The following CACNA1E variants were observed in gnomAD, a reference collection of about 807,000 sequenced individuals.
The protein encoded by CACNA1E is calcium voltage-gated channel subunit alpha1 E.
Under a neutral mutation model 259.2 loss-of-function variants are expected in CACNA1E, and 40 were observed. That is an observed-to-expected ratio of 0.15 (90% CI 0.12 to 0.20). The LOEUF (loss-of-function observed/expected upper bound fraction) is 0.20. Ranked by LOEUF, CACNA1E falls within the 10% of genes least tolerant of loss-of-function variation. The pLI, the probability that CACNA1E is intolerant of heterozygous loss-of-function variation, is 1.00. For missense variants in CACNA1E, 1,874 were observed against 3,040.1 expected, an observed-to-expected ratio of 0.62 and a Z score of 9.02; for synonymous variants, 1,104 against 1,138.5, an observed-to-expected ratio of 0.97 and a Z score of 0.61.
Position 181,622,952 on chromosome 1 carries a change from T to C in CACNA1E, c.952-28386T>C, listed in dbSNP as rs889114149. Among the ~76,000 whole-genome samples, 7 of 152,244 alleles carry C rather than the reference T, an allele frequency of 4.6e-5. No homozygotes were observed. In the East Asian group the frequency reaches 1.2e-3, roughly 25 times the overall value. ...TTTCAGCAGCAACACACCCTCACAG[T>C]TGGACTTCCTGTGGTGAAGGAAATT... On this transcript the variant is annotated intron_variant, in intron 6 of 47. Transcript: ENST00000367573.
intron 7 of CACNA1E, among the ~76,000 whole-genome samples, chr1:181,682,470 C>T (rs1008722590): frequency 2.6e-5 from 4 of 152,176 alleles, no homozygotes; most frequent in African/African-American, 9.7e-5. Context: ...AGTATGGCCA[C>T]CTCTGAACTC....
chr1:181,757,537 CTTTAT>C (rs1326749562), intron 30 of CACNA1E, among the ~76,000 whole-genome samples: 1 of 152,112 alleles, frequency 6.6e-6, no homozygotes, highest in Non-Finnish European at 1.5e-5. Context: ...TTTGAAATTT[CTTTAT>C]TTTATTTTAT....
rs1216795747 is a variant in CACNA1E, at chr1:181,616,275, T to G, written c.952-35063T>G. On this transcript the variant is annotated intron_variant, in intron 6 of 47. Coordinates refer to ENST00000367573, the MANE Select transcript of CACNA1E (RefSeq NM_001205293.3). The stretch of plus-strand genomic sequence containing the variant: ...AAGATTTTGTAAGATTGAAGTATTT[T>G]CTTCCTTAGAGTTCACCCATGGAGA... Among the ~76,000 whole-genome samples the G allele has an allele frequency of 2.0e-5, 3 of 152,228 alleles. No individual in the cohort carries two copies. The East Asian group carries it at 5.8e-4, about 29-fold the overall frequency.
At position 181,320,070 on chromosome 1, in the gene CACNA1E, G is replaced by A. The variant is rs532381009; in HGVS notation, c.-15+1947G>A. Among the ~76,000 whole-genome samples, 7 of 152,322 alleles carry A rather than the reference G, an allele frequency of 4.6e-5. No homozygotes were observed. In the South Asian group the frequency reaches 1.4e-3, roughly 32 times the overall value. On this transcript the variant is annotated intron_variant, in intron 1 of 11. Coordinates refer to the CACNA1E transcript ENST00000524607. ...ATTTATGAGTCTGGGACTCCCAGGA[G>A]GCTGTCCTTCTGCCAGGAATTGTGA...
intron 2 of CACNA1E, among the ~76,000 whole-genome samples, chr1:181,415,891 G>T (rs922654522): frequency 6.6e-6 from 1 of 152,136 alleles, no homozygotes; most frequent in African/African-American, 2.4e-5. Flanking sequence ...GAACCCTAAT[G>T]TTACTGAGCA....
intron 6 of CACNA1E, among the ~76,000 whole-genome samples, chr1:181,628,412 C>G (rs1441732448): frequency 6.6e-6 from 1 of 152,212 alleles, no homozygotes; most frequent in Non-Finnish European, 1.5e-5. Context: ...AGTGCCTTCT[C>G]TGTAGTCTTA....
chr1:181,421,559 A>G (rs1658746063), intron 2 of CACNA1E, among the ~76,000 whole-genome samples: 1 of 152,144 alleles, frequency 6.6e-6, no homozygotes, highest in African/African-American at 2.4e-5. Flanking sequence ...AGCTTCTAAA[A>G]CATAATGTGG....
chr1:181,728,757 C>T (rs1399521146), intron 18 of CACNA1E, among the ~76,000 whole-genome samples: 3 of 150,902 alleles, frequency 2.0e-5, no homozygotes, highest in Admixed American at 2.0e-4. Flanking sequence ...GTGCATTTTG[C>T]TCGGGTGTGT....
intron 27 of CACNA1E, among the ~76,000 whole-genome samples, chr1:181,754,552 G>A (rs1298429073): frequency 6.6e-6 from 1 of 152,164 alleles, no homozygotes. Flanking sequence ...CCTTTTAACT[G>A]AAGTGTAAGT....
At chr1:181,515,763 G>A (rs1310342640) in intron 3 of CACNA1E, among the ~76,000 whole-genome samples, 1 of 152,174 alleles carries the variant, frequency 6.6e-6, no homozygotes, top group East Asian at 1.9e-4. Flanking sequence ...TAAATCATGG[G>A]TAACAACAGG....
chr1:181,763,688 G>T (rs1231757488), intron 34 of CACNA1E, among the ~76,000 whole-genome samples, 157 bp downstream of exon 34: 1 of 152,234 alleles, frequency 6.6e-6, no homozygotes, highest in Non-Finnish European at 1.5e-5. Context: ...GCAATTCTTA[G>T]TTACAGCACA....
intron 3 of CACNA1E, among the ~76,000 whole-genome samples, chr1:181,543,904 G>A (rs1266772670): frequency 6.6e-6 from 1 of 152,164 alleles, no homozygotes; most frequent in Non-Finnish European, 1.5e-5. Context: ...ATGTGAAATG[G>A]CACAGCCTCT....
At chr1:181,572,629 G>A (rs572611183) in intron 3 of CACNA1E, among the ~76,000 whole-genome samples, 2 of 152,280 alleles carry the variant, frequency 1.3e-5, no homozygotes, top group East Asian at 1.9e-4. Context: ...TGGAAAACAC[G>A]CTTGTGCTCT....
chr1:181,457,979 A>G (rs57344371), intron 2 of CACNA1E, among the ~76,000 whole-genome samples: 52,752 of 152,048 alleles, frequency 0.35, 9,378 homozygotes, highest in African/African-American at 0.4. Context: ...GTTGGCCTGC[A>G]TGGATTCCAC....
intron 7 of CACNA1E, among the ~76,000 whole-genome samples, chr1:181,669,707 C>T (rs1207763739): frequency 2.0e-5 from 3 of 152,172 alleles, no homozygotes; most frequent in Admixed American, 6.5e-5. Flanking sequence ...CAAAGGCCAA[C>T]TTCCTGTTTG....
At chr1:181,717,753 C>A (rs1377249632) in intron 11 of CACNA1E, among the ~76,000 whole-genome samples, 2 of 152,148 alleles carry the variant, frequency 1.3e-5, no homozygotes. Flanking sequence ...AGGAATCCAG[C>A]TCTTTGATCA....
intron 1 of CACNA1E, among the ~76,000 whole-genome samples, chr1:181,323,595 GT>G (rs1416777070): frequency 6.6e-6 from 1 of 151,668 alleles, no homozygotes; most frequent in African/African-American, 2.4e-5. Context: ...GGATTTTTTT[GT>G]TTGCTATATT....
intron 38 of CACNA1E, among the ~76,000 whole-genome samples, chr1:181,778,817 C>G (rs942865292): frequency 4.6e-5 from 7 of 152,162 alleles, no homozygotes; most frequent in African/African-American, 1.7e-4. Flanking sequence ...TCAGCAGGCT[C>G]CTACTGAGTA....
rs1221364345 is a variant in CACNA1E, at chr1:181,798,373, C to G, written c.6481C>G (p.Pro2161Ala). The change falls in exon 48 of 48, where the codon CCC becomes GCC. Residue 2161 changes from proline (P) to alanine (A), a missense_variant. Around this residue, in one of 14 missense-constraint regions of CACNA1E, gnomAD observed 542 missense variants for 587.2 expected, o/e 0.92. Coordinates refer to ENST00000367573, the MANE Select transcript of CACNA1E (RefSeq NM_001205293.3). The surrounding 1 kb of genome is among the most constrained non-coding windows in gnomAD (Gnocchi z 4.2). Reference protein sequence around the residue: ...TPRRSRRQLPPVPPKPRPLLS... With the variant: ...TPRRSRRQLPAVPPKPRPLLS... ...AAGAAGAAGTCGTCGGCAGCTCCCA[C>G]CCGTCCCGCCAAAGCCCCGGCCCCT... The G allele has an allele frequency of 1.2e-6, 2 of 1,612,706 alleles. No individual in the cohort carries two copies. Among genetic ancestry groups the G allele is most frequent in the Non-Finnish European group, 1.7e-6 (2 of 1,179,848 alleles).
Sources: gnomAD v4.1 joint callset for allele counts (sites outside exome capture counted in the v4.1 genomes callset) on GRCh38, gnomAD v4.1.1 for gene constraint, gnomAD v4.1.1 regional missense constraint, Gnocchi (gnomAD v3.1) non-coding constraint, MANE v1.5 for transcripts, NCBI Gene and HGNC (gene_info 2026-07-23, HGNC 2026-07-21) for gene names.